The following CD2AP variants were observed in gnomAD, a reference collection of about 807,000 sequenced individuals.
CD2AP encodes the protein CD2 associated protein.
Under a neutral mutation model 85.1 loss-of-function variants are expected in CD2AP, and 46 were observed. The observed-to-expected ratio is 0.54, with a 90% CI of 0.43 to 0.69. The LOEUF (loss-of-function observed/expected upper bound fraction) is 0.69, where lower values mean the gene tolerates loss of function less well. Among genes scored for constraint, CD2AP ranks in the 30% least tolerant of loss-of-function variants. The pLI, the probability that CD2AP is intolerant of heterozygous loss-of-function variation, is 0.00. For synonymous variants in CD2AP, 255 were observed against 252.9 expected, an observed-to-expected ratio of 1.01 and a Z score of -0.08; for missense variants, 769 against 729.5, an observed-to-expected ratio of 1.05 and a Z score of -0.62.
At chr6:47,582,560 G>A (rs1390026258) in intron 11 of CD2AP, among the ~76,000 whole-genome samples, 1 of 152,048 alleles carries the variant, frequency 6.6e-6, no homozygotes, top group Non-Finnish European at 1.5e-5. Flanking sequence ...CCTTCTCATT[G>A]CACATAAAGA....
chr6:47,541,252 T>C (rs1001350076), intron 3 of CD2AP, among the ~76,000 whole-genome samples: 21 of 152,144 alleles, frequency 1.4e-4, no homozygotes, highest in African/African-American at 5.1e-4. Flanking sequence ...GCCTCCTGAG[T>C]AGCTGAGACT....
Position 47,537,718 on chromosome 6 carries a change from G to C in CD2AP, c.319+3963G>C, listed in dbSNP as rs374082001. On this transcript the variant is annotated intron_variant, in intron 3 of 17. Coordinates refer to ENST00000359314, the MANE Select transcript of CD2AP (RefSeq NM_012120.3). ...GTCTTAAGTAGAACATCTCAGCAAA[G>C]TAGGCAGTATCTTGAACAGTTTGAG... Among the ~76,000 whole-genome samples the C allele has an allele frequency of 3.7e-4, 57 of 152,110 alleles. 1 individual carries two copies. The East Asian group carries it at 5.0e-3, about 13-fold the overall frequency.
At chr6:47,607,161 A>T (rs1443131820) in intron 14 of CD2AP, among the ~76,000 whole-genome samples, 3 of 146,258 alleles carry the variant, frequency 2.1e-5, no homozygotes, top group African/African-American at 7.3e-5. Flanking sequence ...ACTGAATAGT[A>T]GTCCATTGTC....
chr6:47,612,661 A>ATGG (rs1769478999), intron 17 of CD2AP, 125 bp downstream of exon 17: 1 of 699,816 alleles, frequency 1.4e-6, no homozygotes, highest in Non-Finnish European at 2.6e-6. Context: ...CATACACACA[A>ATGG]TGGACTACTA....
chr6:47,560,244 G>C (rs774962467), intron 5 of CD2AP, among the ~76,000 whole-genome samples: 1 of 151,922 alleles, frequency 6.6e-6, no homozygotes, highest in African/African-American at 2.4e-5. Context: ...TTATTCTTTA[G>C]TATTTCAATG....
intron 2 of CD2AP, among the ~76,000 whole-genome samples, chr6:47,516,168 C>T (rs539251157): frequency 2.7e-4 from 41 of 152,224 alleles, no homozygotes; most frequent in Non-Finnish European, 4.1e-4. Context: ...TCAGTGGTGG[C>T]GTAGCACAAG....
In CD2AP at chr6:47,489,967, C is replaced by CTTT. The variant is rs71684059; in HGVS notation, c.4+11740_4+11742dup. On this transcript the variant is annotated intron_variant, in intron 1 of 17. Coordinates refer to ENST00000359314, the MANE Select transcript of CD2AP (RefSeq NM_012120.3). ...TGAGTAACTATTTTCTCTAAAGAGA[C>CTTT]TTTTTTTTTTTTTTTTTTTTTTTAA... Among the ~76,000 whole-genome samples the CTTT allele has an allele frequency of 2.5e-3, 304 of 121,630 alleles. 1 individual carries two copies. The highest frequency in any genetic ancestry group is 8.5e-3 in the South Asian group (34 of 4,012). 79.8% of individuals were successfully genotyped at this position (121,630 alleles called of 152,430 possible). A position where few individuals can be genotyped will look rare whatever the true frequency, so the allele number is the denominator to read the frequency against.
chr6:47,601,102 A>G (rs928526217), intron 13 of CD2AP, among the ~76,000 whole-genome samples: 2 of 151,872 alleles, frequency 1.3e-5, no homozygotes, highest in Non-Finnish European at 2.9e-5. Flanking sequence ...TTTCCTATAT[A>G]GTGTCACAAC....
intron 5 of CD2AP, chr6:47,562,963 A>G (rs1459323678): frequency 5.9e-6 from 3 of 505,608 alleles, no homozygotes; most frequent in Non-Finnish European, 7.2e-6. Flanking sequence ...GTTAAGGACT[A>G]TGGCAAAGAA....
At chr6:47,531,449 T>G (rs1315479897) in intron 2 of CD2AP, among the ~76,000 whole-genome samples, 1 of 151,726 alleles carries the variant, frequency 6.6e-6, no homozygotes, top group Non-Finnish European at 1.5e-5. Flanking sequence ...AACCGAGGAC[T>G]GGAGAGACGA....
chr6:47,512,377 G>T (rs190260496), intron 2 of CD2AP, among the ~76,000 whole-genome samples: 380 of 152,242 alleles, frequency 2.5e-3, no homozygotes, highest in Non-Finnish European at 4.0e-3. Flanking sequence ...ATGTTATTTT[G>T]TAAATCTGTG....
chr6:47,516,468 A>G (rs908685996), intron 2 of CD2AP, among the ~76,000 whole-genome samples: 1 of 152,228 alleles, frequency 6.6e-6, no homozygotes, highest in Non-Finnish European at 1.5e-5. Flanking sequence ...CTTGCTTTAT[A>G]TGCAAAAGAA....
chr6:47,527,565 G>GAC (rs1407372427), intron 2 of CD2AP, among the ~76,000 whole-genome samples: 1 of 152,162 alleles, frequency 6.6e-6, no homozygotes, highest in African/African-American at 2.4e-5. Flanking sequence ...ATTTCCTGTG[G>GAC]ACACAGTGCA....
chr6:47,478,061 G>A lies in CD2AP; in HGVS notation c.-184G>A. 2.7e-6 allele frequency: 2 copies of A among 750,466 alleles called. No individual in the cohort carries two copies. Among genetic ancestry groups the A allele is most frequent in the South Asian group, 1.7e-5 (1 of 57,748 alleles). The allele number at this position is 750,466 out of a possible 1,614,324, so 46.5% of individuals were successfully genotyped here. A position where few individuals can be genotyped will look rare whatever the true frequency, so the allele number is the denominator to read the frequency against. ...CCTTTGCCTCTGCCTCGAGGGCCGC[G>A]CTGAAGAGACTGGTAGGAGAGCGCC... On this transcript the variant is annotated 5_prime_UTR_variant, in exon 1 of 18. Coordinates refer to ENST00000359314, the MANE Select transcript of CD2AP (RefSeq NM_012120.3).
At chr6:47,585,297 C>A (rs1388645350) in intron 11 of CD2AP, among the ~76,000 whole-genome samples, 1 of 150,000 alleles carries the variant, frequency 6.7e-6, no homozygotes, top group East Asian at 1.9e-4. Flanking sequence ...AGCAAGACTC[C>A]GTCTCAAAAA....
chr6:47,497,026 T>C (rs1765873406), intron 1 of CD2AP, among the ~76,000 whole-genome samples: 1 of 152,212 alleles, frequency 6.6e-6, no homozygotes, highest in South Asian at 2.1e-4. Context: ...CTTTATAATA[T>C]CAAGGCTGTT....
chr6:47,512,983 C>G (rs1766359208), intron 2 of CD2AP, among the ~76,000 whole-genome samples: 1 of 152,058 alleles, frequency 6.6e-6, no homozygotes, highest in Non-Finnish European at 1.5e-5. Context: ...TTTTATAACA[C>G]TAGTTAGCTT....
At position 47,615,792 on chromosome 6, in the gene CD2AP, A is replaced by AATTAATTT. The variant is rs1554129261; in HGVS notation, c.1878+3259_1878+3260insAATTTATT. ...TTTAATTTTAATTTTAATTTAATTT[A>AATTAATTT]ATTTATTTATTTATTTATTTATTTA... On this transcript the variant is annotated intron_variant, in intron 17 of 17. Coordinates refer to ENST00000359314, the MANE Select transcript of CD2AP (RefSeq NM_012120.3). Among the ~76,000 whole-genome samples, 912 of 117,396 alleles carry AATTAATTT rather than the reference A, an allele frequency of 7.8e-3. 7 individuals are homozygous for AATTAATTT. Among genetic ancestry groups the AATTAATTT allele is most frequent in the African/African-American group, 0.017 (590 of 34,410 alleles). The allele number at this position is 117,396 out of a possible 152,430, so 77.0% of individuals were successfully genotyped here. A position where few individuals can be genotyped will look rare whatever the true frequency, so the allele number is the denominator to read the frequency against.
At chr6:47,573,578 T>A (rs1386613357) in intron 5 of CD2AP, among the ~76,000 whole-genome samples, 1 of 136,620 alleles carries the variant, frequency 7.3e-6, no homozygotes, top group African/African-American at 2.7e-5. Flanking sequence ...AAGCTCCACC[T>A]CCCAGGTTCA....
Sources: allele counts gnomAD v4.1 joint callset (sites outside exome capture counted in the v4.1 genomes callset), GRCh38; gene constraint gnomAD v4.1.1; transcripts MANE v1.5; gene names NCBI Gene and HGNC (gene_info 2026-07-23, HGNC 2026-07-21).